BAZ1B: variants seen among roughly 807,000 people sequenced by gnomAD.
BAZ1B encodes the protein tyrosine-protein kinase BAZ1B.
A neutral mutation model predicts 153.8 loss-of-function variants in BAZ1B; 22 were observed. That is an observed-to-expected ratio of 0.14 (90% CI 0.10 to 0.20). BAZ1B has a LOEUF of 0.20. Among genes scored for constraint, BAZ1B ranks in the 10% least tolerant of loss-of-function variants. The pLI, the probability that BAZ1B is intolerant of heterozygous loss-of-function variation, is 1.00. For synonymous variants in BAZ1B, 676 were observed against 633.4 expected (o/e 1.07, Z -1.01); for missense variants, 1,325 against 1,799.3 (o/e 0.74, Z 4.77).
At chr7:73,471,737 C>T (rs75640312) in intron 7 of BAZ1B, among the ~76,000 whole-genome samples, 1 of 152,086 alleles carries the variant, frequency 6.6e-6, no homozygotes, top group African/African-American at 2.4e-5. Flanking sequence ...AAAGATGTTA[C>T]TTTAAAAACT....
At chr7:73,475,826 A>C (rs1184754228) in intron 7 of BAZ1B, among the ~76,000 whole-genome samples, 1 of 151,158 alleles carries the variant, frequency 6.6e-6, no homozygotes, top group East Asian at 2.0e-4. Flanking sequence ...CGGGAGGCTG[A>C]GGCAGGAGAA....
rs565696669 is a variant in BAZ1B, at chr7:73,463,233, T to G, written c.3072-134A>C. 2.7e-4 allele frequency: 213 copies of G among 775,230 alleles called. 1 individual carries two copies. In the African/African-American group the frequency reaches 3.0e-3, roughly 11 times the overall value. The allele number at this position is 775,230 out of a possible 1,614,324, so 48.0% of individuals were successfully genotyped here. ...TTTCACCTCTCCCTGGTGTTTTTTC[T>G]TTTTTCTTTTTTTTTTTTTTTTTTC... On this transcript the variant is annotated intron_variant, in intron 11 of 19. Transcript: ENST00000339594.
chr7:73,485,599 T>C (rs1341590647), intron 6 of BAZ1B, among the ~76,000 whole-genome samples: 1 of 143,230 alleles, frequency 7.0e-6, no homozygotes, highest in Non-Finnish European at 1.5e-5. Flanking sequence ...CTCTCTAACC[T>C]GGGAGACAGC....
intron 3 of BAZ1B, among the ~76,000 whole-genome samples, chr7:73,502,681 G>T (rs1454109181): frequency 6.6e-6 from 1 of 152,158 alleles, no homozygotes; most frequent in Non-Finnish European, 1.5e-5. Flanking sequence ...GGGAGATTGA[G>T]GTGGGAGGAT....
intron 15 of BAZ1B, among the ~76,000 whole-genome samples, chr7:73,447,665 C>T (rs1787887711): frequency 6.6e-6 from 1 of 152,140 alleles, no homozygotes; most frequent in Non-Finnish European, 1.5e-5. Context: ...CCTACCCTTC[C>T]CCACACAAAG....
Position 73,441,221 on chromosome 7 carries a change from A to C in BAZ1B, c.*488T>G, listed in dbSNP as rs1255312498. On this transcript the variant is annotated 3_prime_UTR_variant, in exon 20 of 20. Transcript: ENST00000339594. ...AGTTAGAGCAAACACATTATCATAG[A>C]AACTGTACTGTACATGTGCTAAAGC... 2.0e-5 allele frequency: 3 copies of C among 152,700 alleles called. No individual in the cohort carries two copies. Among genetic ancestry groups the C allele is most frequent in the Non-Finnish European group, 4.4e-5 (3 of 68,066 alleles). 9.5% of individuals were successfully genotyped at this position (152,700 alleles called of 1,614,324 possible). A position where few individuals can be genotyped will look rare whatever the true frequency, so the allele number is the denominator to read the frequency against.
intron 13 of BAZ1B, among the ~76,000 whole-genome samples, chr7:73,458,227 AGTTG>A (rs1788271470): frequency 1.3e-5 from 2 of 152,362 alleles, no homozygotes; most frequent in African/African-American, 4.8e-5. Context: ...TTTTAAGAGT[AGTTG>A]GTATCAGCAG....
At chr7:73,455,735 A>G (rs1788172549) in intron 13 of BAZ1B, among the ~76,000 whole-genome samples, 1 of 152,172 alleles carries the variant, frequency 6.6e-6, no homozygotes, top group South Asian at 2.1e-4. Flanking sequence ...GCGAGCCATG[A>G]CTGCACCACT....
At chr7:73,451,133 A>G (rs1296382252) in intron 13 of BAZ1B, 139 bp from the exon 14 acceptor site, 1 of 1,165,854 alleles carries the variant, frequency 8.6e-7, no homozygotes, top group East Asian at 2.6e-5. Context: ...ATTTATTCTT[A>G]TAAAAGGCTC....
chr7:73,482,450 C>T (rs937181753), intron 6 of BAZ1B, among the ~76,000 whole-genome samples: 2 of 152,032 alleles, frequency 1.3e-5, no homozygotes, highest in Non-Finnish European at 1.5e-5. Context: ...CACATACAGG[C>T]GGACATTTTT....
chr7:73,487,433 G>GT (rs112489223), intron 6 of BAZ1B, among the ~76,000 whole-genome samples: 14 of 152,198 alleles, frequency 9.2e-5, no homozygotes, highest in African/African-American at 3.4e-4. Flanking sequence ...TGTCTCTAAA[G>GT]TAAGAAATAA....
chr7:73,505,643 A>C (rs1229219607), intron 3 of BAZ1B, among the ~76,000 whole-genome samples: 1 of 151,110 alleles, frequency 6.6e-6, no homozygotes. Context: ...AAAAAAAAAA[A>C]CAGTTCAAGC....
intron 17 of BAZ1B, among the ~76,000 whole-genome samples, chr7:73,443,618 A>G (rs894804303): frequency 1.3e-5 from 2 of 152,234 alleles, no homozygotes; most frequent in Non-Finnish European, 2.9e-5. Context: ...TGTCCCTCCC[A>G]TAACAACTGT....
At chr7:73,493,816 G>C (rs182989491) in intron 4 of BAZ1B, among the ~76,000 whole-genome samples, 331 of 144,000 alleles carry the variant, frequency 2.3e-3, no homozygotes, top group Middle Eastern at 3.6e-3. Context: ...TCCACACTAA[G>C]AGACAGAGTG....
In BAZ1B at chr7:73,521,741, T is replaced by C. The variant is rs1237566116; in HGVS notation, c.107+86A>G. 14 of 1,173,148 alleles carry C rather than the reference T, an allele frequency of 1.2e-5. No individual in the cohort carries two copies. In the East Asian group the frequency reaches 4.3e-4, roughly 36 times the overall value. The allele number at this position is 1,173,148 out of a possible 1,614,324, so 72.7% of individuals were successfully genotyped here. A position where few individuals can be genotyped will look rare whatever the true frequency, so the allele number is the denominator to read the frequency against. ...GCTGACAGCTGCCCCGGGCCGGGGA[T>C]GCGCGGCTGACCTGGTCTCGCGAGC... On this transcript the variant is annotated intron_variant, in intron 1 of 19. Transcript: ENST00000339594.
intron 1 of BAZ1B, 70 bp downstream of exon 1, chr7:73,521,757 T>A (rs1554580250): frequency 1.1e-5 from 14 of 1,316,630 alleles, no homozygotes; most frequent in Non-Finnish European, 1.1e-5. Context: ...GCTGACCTGG[T>A]CTCGCGAGCC....
chr7:73,447,172 C>G, intron 16 of BAZ1B, 92 bp downstream of exon 16: 1 of 1,606,772 alleles, frequency 6.2e-7, no homozygotes, highest in Non-Finnish European at 8.5e-7. Context: ...TAGGGCAAGC[C>G]GGCCACACTA....
At chr7:73,513,927 A>C (rs1790687242) in intron 1 of BAZ1B, among the ~76,000 whole-genome samples, 1 of 152,182 alleles carries the variant, frequency 6.6e-6, no homozygotes, top group Admixed American at 6.6e-5. Context: ...ATACATTAAC[A>C]AATATGTCTT....
chr7:73,450,052 CTT>C lies in BAZ1B; in HGVS notation c.3581-365_3581-364del, dbSNP rs572469264. On this transcript the variant is annotated intron_variant, in intron 14 of 19. Coordinates refer to ENST00000339594, the MANE Select transcript of BAZ1B (RefSeq NM_032408.4). This position sits in a 1 kb window ranked among gnomAD's most constrained non-coding sequence, Gnocchi z 4.1. ...TGCCTGATGAGTGTTCTCTCTCTCT[CTT>C]TTTTTTTTTTGGAGACAGAGTCTTG... Among the ~76,000 whole-genome samples, 7 of 145,972 alleles carry C rather than the reference CTT, an allele frequency of 4.8e-5. No homozygotes were observed. Among genetic ancestry groups the C allele is most frequent in the Non-Finnish European group, 6.1e-5 (4 of 66,022 alleles).
Sources: gnomAD v4.1 joint callset for allele counts (sites outside exome capture counted in the v4.1 genomes callset) on GRCh38, gnomAD v4.1.1 for gene constraint, Gnocchi (gnomAD v3.1) non-coding constraint, MANE v1.5 for transcripts, NCBI Gene and HGNC (gene_info 2026-07-23, HGNC 2026-07-21) for gene names.